Variants in CDH4 observed in about 807,000 individuals in gnomAD.
The protein encoded by CDH4 is cadherin-4.
A neutral mutation model predicts 86.0 loss-of-function variants in CDH4; 33 were observed. The observed-to-expected ratio is 0.38, with a 90% CI of 0.29 to 0.51. The LOEUF (loss-of-function observed/expected upper bound fraction) is 0.51. Ranked by LOEUF, CDH4 falls within the 20% of genes least tolerant of loss-of-function variation. The probability of loss-of-function intolerance (pLI) is 0.86; values close to 1 mark genes in which losing one functional copy is unlikely to be tolerated. For missense variants in CDH4, 1,114 were observed against 1,307.4 expected (o/e 0.85, Z 2.28); for synonymous variants, 555 against 549.4 (o/e 1.01, Z -0.14).
At chr20:61,907,744 G>C (rs993177261) in intron 8 of CDH4, among the ~76,000 whole-genome samples, 1 of 152,210 alleles carries the variant, frequency 6.6e-6, no homozygotes, top group Non-Finnish European at 1.5e-5. Flanking sequence ...CCGGGCTCTG[G>C]CCACCTGGCT....
At chr20:61,689,231 ACAG>A (rs2087625136) in intron 2 of CDH4, among the ~76,000 whole-genome samples, 1 of 141,264 alleles carries the variant, frequency 7.1e-6, no homozygotes, top group Non-Finnish European at 1.5e-5. Context: ...TCGGGCTGGG[ACAG>A]TGGTTGGTGA....
At chr20:61,268,423 T>C (rs1361764178) in intron 2 of CDH4, among the ~76,000 whole-genome samples, 1 of 152,240 alleles carries the variant, frequency 6.6e-6, no homozygotes, top group Non-Finnish European at 1.5e-5. Context: ...GTGGGCTGAA[T>C]TGCTTTTTCC....
At chr20:61,410,970 A>G (rs535786007) in intron 2 of CDH4, among the ~76,000 whole-genome samples, 5 of 151,530 alleles carry the variant, frequency 3.3e-5, no homozygotes, top group African/African-American at 1.2e-4. Flanking sequence ...CCATTCATCC[A>G]TCTGTCCATC....
At chr20:61,559,538 T>G (rs1294164920) in intron 2 of CDH4, among the ~76,000 whole-genome samples, 3 of 143,034 alleles carry the variant, frequency 2.1e-5, no homozygotes, top group Non-Finnish European at 3.0e-5. Flanking sequence ...TTTTTTTTTT[T>G]GACACAGAGT....
intron 9 of CDH4, among the ~76,000 whole-genome samples, chr20:61,916,515 A>G (rs2054904999): frequency 6.6e-6 from 1 of 152,266 alleles, no homozygotes; most frequent in African/African-American, 2.4e-5. Context: ...TGTCGTCATC[A>G]TAACCATTCT....
At position 61,622,121 on chromosome 20, in the gene CDH4, G is replaced by A. The variant is rs143372474; in HGVS notation, c.170-121442G>A. Among the ~76,000 whole-genome samples the A allele has an allele frequency of 3.3e-3, 499 of 152,342 alleles. 7 individuals are homozygous for A. Among genetic ancestry groups the A allele is most frequent in the East Asian group, 4.4e-3 (23 of 5,180 alleles). ...CACTGAATGCCAGGGATATCATCCA[G>A]CAGCAGTACATGCCACAAAAGGAGA... On this transcript the variant is annotated intron_variant, in intron 2 of 15. Coordinates refer to ENST00000614565, the MANE Select transcript of CDH4 (RefSeq NM_001794.5).
At chr20:61,256,771 G>A (rs191473559) in intron 2 of CDH4, among the ~76,000 whole-genome samples, 1 of 152,292 alleles carries the variant, frequency 6.6e-6, no homozygotes, top group Non-Finnish European at 1.5e-5. Flanking sequence ...GAGCATGCTG[G>A]GTCCTCTCTG....
chr20:61,271,419 A>T (rs961783739), intron 2 of CDH4, among the ~76,000 whole-genome samples: 2 of 152,186 alleles, frequency 1.3e-5, no homozygotes, highest in Non-Finnish European at 2.9e-5. Context: ...TTCCTAAGTG[A>T]TAGAAGACAG....
intron 2 of CDH4, among the ~76,000 whole-genome samples, chr20:61,428,813 C>T (rs114316666): frequency 8.2e-4 from 124 of 152,140 alleles, no homozygotes; most frequent in African/African-American, 2.6e-3. Context: ...TTAACTAAGT[C>T]GATGGGGAGA....
chr20:61,870,469 G>A (rs1012646042), intron 6 of CDH4, among the ~76,000 whole-genome samples: 1 of 152,112 alleles, frequency 6.6e-6, no homozygotes, highest in African/African-American at 2.4e-5. Context: ...AACAGACAGT[G>A]CCCGATCCCT....
At chr20:61,762,023 G>A (rs1346276568) in intron 3 of CDH4, among the ~76,000 whole-genome samples, 1 of 152,256 alleles carries the variant, frequency 6.6e-6, no homozygotes, top group East Asian at 1.9e-4. Flanking sequence ...TTTGCAGCCA[G>A]TCCAGCCTCA....
At chr20:61,767,482 G>T (rs1283328781) in intron 3 of CDH4, among the ~76,000 whole-genome samples, 2 of 152,220 alleles carry the variant, frequency 1.3e-5, no homozygotes, top group Non-Finnish European at 2.9e-5. Flanking sequence ...GCTGTAGATT[G>T]AGCCTGGCAT....
chr20:61,759,416 C>G lies in CDH4; in HGVS notation c.397-13587C>G, dbSNP rs144766887. ...AAACGCCACATGGTGGACGACAGAT[C>G]CATGAAGCCGGAGGTCCCCAGGGGA... On this transcript the variant is annotated intron_variant, in intron 3 of 15. Coordinates refer to ENST00000614565, the MANE Select transcript of CDH4 (RefSeq NM_001794.5). Among the ~76,000 whole-genome samples the G allele has an allele frequency of 4.8e-3, 728 of 152,278 alleles. 6 individuals are homozygous for G. Among genetic ancestry groups the G allele is most frequent in the African/African-American group, 0.017 (702 of 41,566 alleles).
rs141404155 is a variant in CDH4 at position 61,381,003 on chromosome 20, G to A, written c.169+126066G>A. Among the ~76,000 whole-genome samples, 228 of 152,348 alleles carry A rather than the reference G, an allele frequency of 1.5e-3. 2 individuals carry two copies. Among genetic ancestry groups the A allele is most frequent in the African/African-American group, 4.9e-3 (204 of 41,582 alleles). On this transcript the variant is annotated intron_variant, in intron 2 of 15. Transcript: ENST00000614565. Reference sequence around the variant, plus strand: ...ATTTGAAAACTACAAGCTACGCAGCGTGACATAGTCCCTGTCTGAATTCGG... The same window carrying A: ...ATTTGAAAACTACAAGCTACGCAGCATGACATAGTCCCTGTCTGAATTCGG...
Position 61,936,768 on chromosome 20 carries a change from C to T in CDH4, c.2576C>T (p.Ala859Val), listed in dbSNP as rs376438170. ...GLRAADNDPTAPPYDSLLVFD... is the reference protein window; with the variant it reads ...GLRAADNDPTVPPYDSLLVFD... ...CGCGCTGCTGACAACGACCCCACGG[C>T]ACCCCCCTATGACTCCCTGCTGGTC... Residue 859 changes from alanine (A) to valine (V), a missense_variant, in exon 16 of 16, where the codon GCA (alanine) becomes GTA (valine). Transcript: ENST00000614565. 8 of 1,607,746 alleles carry T rather than the reference C, an allele frequency of 5.0e-6. No homozygotes were observed. In the African/African-American group the frequency reaches 9.4e-5, roughly 19 times the overall value.
intron 3 of CDH4, among the ~76,000 whole-genome samples, chr20:61,759,406 G>A (rs947102006): frequency 2.6e-5 from 4 of 152,202 alleles, no homozygotes; most frequent in Non-Finnish European, 5.9e-5. Context: ...CCACATGGTG[G>A]ACGACAGATC....
chr20:61,413,950 C>T (rs891793721), intron 2 of CDH4, among the ~76,000 whole-genome samples: 1 of 152,172 alleles, frequency 6.6e-6, no homozygotes, highest in African/African-American at 2.4e-5. Flanking sequence ...ACGGTGTCTG[C>T]AGGGCTGGTT....
intron 4 of CDH4, among the ~76,000 whole-genome samples, chr20:61,793,894 T>G (rs928232228): frequency 1.3e-5 from 2 of 148,816 alleles, no homozygotes; most frequent in African/African-American, 2.5e-5. Context: ...ATCCCAGCAC[T>G]TTGGGAGGCC....
chr20:61,722,988 T>C (rs902801219), intron 2 of CDH4, among the ~76,000 whole-genome samples: 2 of 152,186 alleles, frequency 1.3e-5, no homozygotes, highest in African/African-American at 4.8e-5. Context: ...ACAGACATCC[T>C]GGGTCCTGCT....
Sources: allele counts gnomAD v4.1 joint callset (sites outside exome capture counted in the v4.1 genomes callset), GRCh38; gene constraint gnomAD v4.1.1; transcripts MANE v1.5; gene names NCBI Gene and HGNC (gene_info 2026-07-23, HGNC 2026-07-21).